Variants in TPD52 observed in about 807,000 individuals in gnomAD.
The protein encoded by TPD52 is tumor protein D52.
TPD52 carries 17 observed loss-of-function variants against 31.3 expected under a neutral mutation model. The ratio of observed to expected loss-of-function variants is 0.54; its 90% CI spans 0.37 to 0.82. The LOEUF (loss-of-function observed/expected upper bound fraction) is 0.82. Among genes scored for constraint, TPD52 ranks in the 40% least tolerant of loss-of-function variants. The pLI, the probability that TPD52 is intolerant of heterozygous loss-of-function variation, is 0.00. For missense variants in TPD52, 212 were observed against 240.1 expected, an observed-to-expected ratio of 0.88 and a Z score of 0.77; for synonymous variants, 83 against 89.6, an observed-to-expected ratio of 0.93 and a Z score of 0.42.
intron 1 of TPD52, among the ~76,000 whole-genome samples, chr8:80,095,706 G>A (rs947366943): frequency 6.6e-6 from 1 of 152,156 alleles, no homozygotes; most frequent in Admixed American, 6.5e-5. Context: ...AAGCACTTGG[G>A]AGGCCAAGGT....
At position 80,139,263 on chromosome 8, in the gene TPD52, G is replaced by A. The variant is rs1388279366; in HGVS notation, c.19+32162C>T. ...CTAATAGCAGCTTGAGAAATAATTCGCATACTATAAAATCCACTATTTTTT... is the reference window on the plus strand; with the variant it reads ...CTAATAGCAGCTTGAGAAATAATTCACATACTATAAAATCCACTATTTTTT... On this transcript the variant is annotated intron_variant, in intron 1 of 7. Transcript: ENST00000518937. 5.3e-5 allele frequency among the ~76,000 whole-genome samples: 8 copies of A among 152,142 alleles called. No individual in the cohort carries two copies. In the East Asian group the frequency reaches 1.2e-3, roughly 22 times the overall value.
intron 1 of TPD52, among the ~76,000 whole-genome samples, chr8:80,110,417 T>C (rs1807421190): frequency 6.6e-6 from 1 of 151,716 alleles, no homozygotes; most frequent in Non-Finnish European, 1.5e-5. Context: ...GATTTATGAG[T>C]TCCACACTAA....
intron 1 of TPD52, among the ~76,000 whole-genome samples, chr8:80,096,462 C>T (rs1031546629): frequency 6.6e-6 from 1 of 152,094 alleles, no homozygotes; most frequent in African/African-American, 2.4e-5. Flanking sequence ...TTACTGCACT[C>T]CACTTCATTG....
In TPD52 at chr8:80,169,964, T is replaced by C. The variant is rs78208518; in HGVS notation, c.19+1461A>G. Among the ~76,000 whole-genome samples, 1,263 of 152,346 alleles carry C rather than the reference T, an allele frequency of 8.3e-3. 15 individuals carry two copies. The highest frequency in any genetic ancestry group is 0.029 in the African/African-American group (1,205 of 41,564). ...AATATGTATGTGTATATATACGTTA[T>C]ACAGGTAATGTATAATATATATATA... On this transcript the variant is annotated intron_variant, in intron 1 of 7. Transcript: ENST00000518937.
chr8:80,136,385 G>A lies in TPD52; in HGVS notation c.19+35040C>T, dbSNP rs1487484153. 2.5e-4 allele frequency among the ~76,000 whole-genome samples: 38 copies of A among 150,908 alleles called. 1 individual carries two copies. The highest frequency in any genetic ancestry group is 8.7e-4 in the African/African-American group (36 of 41,354). ...TAAAAATACAAAAAATTAGCCGGGCGTGGTGGTGGGCACCTGTAGTCCCAG... is the reference window on the plus strand; with the variant it reads ...TAAAAATACAAAAAATTAGCCGGGCATGGTGGTGGGCACCTGTAGTCCCAG... On this transcript the variant is annotated intron_variant, in intron 1 of 7. Transcript: ENST00000518937.
chr8:80,137,730 T>C (rs962710804), intron 1 of TPD52, among the ~76,000 whole-genome samples: 3 of 152,202 alleles, frequency 2.0e-5, no homozygotes, highest in African/African-American at 7.2e-5. Context: ...ACCAAGTTTA[T>C]AACGGTGCTA....
chr8:80,150,941 A>G (rs1357847884), intron 1 of TPD52, among the ~76,000 whole-genome samples: 1 of 152,190 alleles, frequency 6.6e-6, no homozygotes, highest in Non-Finnish European at 1.5e-5. Context: ...CAATGTGAGG[A>G]CATGAGATTT....
chr8:80,079,499 T>C (rs1194956330), intron 1 of TPD52, among the ~76,000 whole-genome samples: 1 of 152,210 alleles, frequency 6.6e-6, no homozygotes, highest in African/African-American at 2.4e-5. Flanking sequence ...TTTACCATGT[T>C]TTTTTCTAGG....
intron 1 of TPD52, chr8:80,171,046 T>A (rs1214140856): frequency 2.0e-6 from 1 of 508,182 alleles, no homozygotes; most frequent in African/African-American, 1.9e-5. Flanking sequence ...CGACTCACTG[T>A]CCTCTGTTCC....
chr8:80,038,220 T>C lies in TPD52; in HGVS notation c.520A>G (p.Thr174Ala). 1 of 1,614,066 alleles carries C rather than the reference T, an allele frequency of 6.2e-7. No individual in the cohort carries two copies. The highest frequency in any genetic ancestry group is 8.5e-7 in the Non-Finnish European group (1 of 1,179,974). Residue 174 changes from threonine to alanine, a missense_variant, in exon 8 of 8, where the codon ACC becomes GCC. Transcript: ENST00000518937. The part of the protein sequence containing the change: ...VENLKSKVGG[T>A]KPAGGDFGEV... Reference sequence around the variant, plus strand: ...CCAAAATCACCACCAGCAGGCTTGGTTCCCCCTACTTTAGACTTAAAAAAA... The same window carrying C: ...CCAAAATCACCACCAGCAGGCTTGGCTCCCCCTACTTTAGACTTAAAAAAA...
chr8:80,104,117 T>G (rs929421205), intron 1 of TPD52, among the ~76,000 whole-genome samples: 4 of 152,108 alleles, frequency 2.6e-5, no homozygotes, highest in South Asian at 2.1e-4. Flanking sequence ...AAAAGCAGCT[T>G]AGAAATGGGA....
At chr8:80,134,195 G>A (rs1467343982) in intron 1 of TPD52, among the ~76,000 whole-genome samples, 2 of 152,222 alleles carry the variant, frequency 1.3e-5, no homozygotes, top group South Asian at 2.1e-4. Context: ...ACTATGTGCC[G>A]GGTACTGTGC....
In TPD52 at chr8:80,171,470, C is replaced by G. The variant is rs1812097811; in HGVS notation, c.-27G>C. The G allele has an allele frequency of 6.4e-7, 1 of 1,569,870 alleles. No individual in the cohort carries two copies. The highest frequency in any genetic ancestry group is 1.1e-5 in the South Asian group (1 of 88,068). ...TCTCCAGCCCGCCGCCTCGTGTCCTCTGCAGCACCCCCGCCTGCAGCCCGT... is the reference window on the plus strand; with the variant it reads ...TCTCCAGCCCGCCGCCTCGTGTCCTGTGCAGCACCCCCGCCTGCAGCCCGT... On this transcript the variant is annotated 5_prime_UTR_variant, in exon 1 of 8. Transcript: ENST00000518937.
chr8:80,093,166 C>T (rs1002149124), intron 1 of TPD52, among the ~76,000 whole-genome samples: 3 of 152,076 alleles, frequency 2.0e-5, no homozygotes, highest in Admixed American at 6.5e-5. Context: ...ATAATTATTT[C>T]GACTCTGGAA....
chr8:80,109,156 C>T (rs1453380029), intron 1 of TPD52, among the ~76,000 whole-genome samples: 1 of 152,134 alleles, frequency 6.6e-6, no homozygotes, highest in African/African-American at 2.4e-5. Context: ...ATTTGGGGGA[C>T]CTTACGAGAA....
intron 1 of TPD52, among the ~76,000 whole-genome samples, chr8:80,124,819 C>A (rs1808492567): frequency 6.6e-6 from 1 of 151,954 alleles, no homozygotes; most frequent in Non-Finnish European, 1.5e-5. Context: ...AACAAACAAA[C>A]AAAAAAACCA....
intron 1 of TPD52, among the ~76,000 whole-genome samples, chr8:80,105,889 G>A (rs1044079427): frequency 1.1e-4 from 16 of 152,056 alleles, no homozygotes; most frequent in African/African-American, 3.4e-4. Context: ...TCACCACCAC[G>A]CCCAGCTAAC....
At chr8:80,141,394 T>C (rs1455718554) in intron 1 of TPD52, among the ~76,000 whole-genome samples, 1 of 152,174 alleles carries the variant, frequency 6.6e-6, no homozygotes, top group African/African-American at 2.4e-5. Context: ...TCTTGCATCA[T>C]TTGCTCTGAG....
At position 80,044,191 on chromosome 8, in the gene TPD52, T is replaced by C; in HGVS notation, c.431A>G (p.His144Arg). The change falls in exon 6 of 8, where the codon CAT (histidine) becomes CGT (arginine). Residue 144 changes from histidine to arginine, a missense_variant. Physicochemically the swap from His to Arg is conservative, Grantham distance 29. Transcript: ENST00000518937. ...SHSFSIRSIQHSISMPAMRNS... is the reference protein window; with the variant it reads ...SHSFSIRSIQRSISMPAMRNS... ...CCTCATAGCAGGCATGCTAATTGAA[T>C]GCTGAATGGAACGTATACTAAGAGG... is the stretch of plus-strand genomic sequence containing the variant. 1 of 1,588,264 alleles carries C rather than the reference T, an allele frequency of 6.3e-7. No homozygotes were observed.
Sources: gnomAD v4.1 joint callset for allele counts (sites outside exome capture counted in the v4.1 genomes callset) on GRCh38, gnomAD v4.1.1 for gene constraint, MANE v1.5 for transcripts, NCBI Gene and HGNC (gene_info 2026-07-23, HGNC 2026-07-21) for gene names.